C12orf42: variants seen among roughly 807,000 people sequenced by gnomAD.
C12orf42 encodes chromosome 12 open reading frame 42.
Under a neutral mutation model 21.6 loss-of-function variants are expected in C12orf42, and 25 were observed. The observed-to-expected ratio is 1.16, with a 90% CI of 0.84 to 1.62. The LOEUF is 1.62. C12orf42 is among the 40% of genes most tolerant of loss of function. The pLI, the probability that C12orf42 is intolerant of heterozygous loss-of-function variation, is 0.00. For missense variants in C12orf42, 483 were observed against 459.3 expected (o/e 1.05, Z -0.47); for synonymous variants, 174 against 175.0 (o/e 0.99, Z 0.05).
At chr12:103,374,661 C>T (rs1248503743) in intron 3 of C12orf42, among the ~76,000 whole-genome samples, 1 of 151,936 alleles carries the variant, frequency 6.6e-6, no homozygotes, top group Non-Finnish European at 1.5e-5. Context: ...ACAAAATAAC[C>T]AATGAGAAAA....
chr12:103,367,941 CATATAA>C (rs972764073), intron 4 of C12orf42: 20 of 646,672 alleles, frequency 3.1e-5, no homozygotes, highest in African/African-American at 1.3e-4. Flanking sequence ...ATTTTATTAG[CATATAA>C]ATATAAGTGA....
chr12:103,515,153 T>C, the C12orf42 span, among the ~76,000 whole-genome samples: 2 of 152,390 alleles, frequency 1.3e-5, no homozygotes, highest in Non-Finnish European at 2.9e-5. Flanking sequence ...ATATTCATTG[T>C]TCTCAGATTT....
At chr12:103,426,652 C>T (rs898138594) in intron 2 of C12orf42, among the ~76,000 whole-genome samples, 5 of 152,118 alleles carry the variant, frequency 3.3e-5, no homozygotes, top group Non-Finnish European at 7.4e-5. Context: ...CCCCAAGACA[C>T]ATAATTGTCG....
chr12:103,339,839 G>A (rs1226213356), intron 4 of C12orf42, among the ~76,000 whole-genome samples: 1 of 152,164 alleles, frequency 6.6e-6, no homozygotes, highest in Non-Finnish European at 1.5e-5. Context: ...GTTATATTCA[G>A]AAGTTCATCT....
At chr12:103,072,245 A>T in the C12orf42 span, among the ~76,000 whole-genome samples, 1 of 152,104 alleles carries the variant, frequency 6.6e-6, no homozygotes, top group Admixed American at 6.6e-5. Context: ...ACTATTTTTT[A>T]AAAAATAGTA....
chr12:103,158,645 C>T, the C12orf42 span, among the ~76,000 whole-genome samples: 12 of 151,994 alleles, frequency 7.9e-5, no homozygotes, highest in Non-Finnish European at 1.5e-5. Context: ...CTTTGGGAGG[C>T]CGATGTAGGC....
intron 10 of C12orf42, among the ~76,000 whole-genome samples, chr12:103,247,455 A>G (rs10507161): frequency 0.2 from 31,093 of 151,984 alleles, 3,321 homozygotes; most frequent in Middle Eastern, 0.27. Context: ...TGACATCAAT[A>G]TTTCTTGTAC....
chr12:103,178,480 T>A, the C12orf42 span: 1 of 152,158 alleles, frequency 6.6e-6, no homozygotes, highest in Non-Finnish European at 1.5e-5. Context: ...TTATTTAGCA[T>A]GTAGGACCCG....
At position 103,450,078 on chromosome 12, in the gene C12orf42, G is replaced by T. The variant is rs556715893; in HGVS notation, c.78+28271C>A. The stretch of plus-strand genomic sequence containing the variant: ...TGAACTGGAATTAATTGTATATATT[G>T]ATTAGGTATTTAGATTAAATATATT... On this transcript the variant is annotated intron_variant, in intron 2 of 5. Coordinates refer to ENST00000548883, the MANE Select transcript of C12orf42 (RefSeq NM_198521.5). Among the ~76,000 whole-genome samples, 3 of 151,846 alleles carry T rather than the reference G, an allele frequency of 2.0e-5. No homozygotes were observed. In the East Asian group the frequency reaches 5.8e-4, roughly 29 times the overall value.
At chr12:103,507,280 T>TA in the C12orf42 span, among the ~76,000 whole-genome samples, 1 of 76,446 alleles carries the variant, frequency 1.3e-5, no homozygotes, top group Non-Finnish European at 2.2e-5. Context: ...ATATTATATA[T>TA]ATTTTTTTTT....
At chr12:103,208,777 G>T in the C12orf42 span, among the ~76,000 whole-genome samples, 1 of 152,070 alleles carries the variant, frequency 6.6e-6, no homozygotes, top group Non-Finnish European at 1.5e-5. Flanking sequence ...ATTCATTTTT[G>T]TTATTTTTGC....
At chr12:103,258,612 A>C (rs1265812448) in intron 10 of C12orf42, among the ~76,000 whole-genome samples, 5 of 151,982 alleles carry the variant, frequency 3.3e-5, no homozygotes, top group African/African-American at 1.2e-4. Flanking sequence ...GACTATACAA[A>C]CCATTAGAAC....
chr12:103,425,953 CA>C lies in C12orf42; in HGVS notation c.79-24279del, dbSNP rs751396572. 1.9e-4 allele frequency among the ~76,000 whole-genome samples: 29 copies of C among 152,264 alleles called. No homozygotes were observed. In the East Asian group the frequency reaches 1.9e-3, roughly 10 times the overall value. On this transcript the variant is annotated intron_variant, in intron 2 of 5. Transcript: ENST00000548883. ...AGGACGTCCACACAAAAACCCCATC[CA>C]AAGGTCACCAGCATCAAAGACCAAA... is the stretch of plus-strand genomic sequence containing the variant.
chr12:103,257,442 A>C (rs1049862286), intron 10 of C12orf42, among the ~76,000 whole-genome samples: 3 of 152,212 alleles, frequency 2.0e-5, no homozygotes, highest in African/African-American at 7.2e-5. Flanking sequence ...TTATACCCAC[A>C]AAACAAAACA....
chr12:103,216,168 A>C, the C12orf42 span, among the ~76,000 whole-genome samples: 1 of 152,292 alleles, frequency 6.6e-6, no homozygotes, highest in Middle Eastern at 3.4e-3. Flanking sequence ...TCTCTCTAAT[A>C]TGAGCCTATG....
chr12:103,381,230 C>T (rs1196872661), intron 3 of C12orf42, among the ~76,000 whole-genome samples: 1 of 152,224 alleles, frequency 6.6e-6, no homozygotes, highest in Non-Finnish European at 1.5e-5. Context: ...GTTCCCTTCC[C>T]TTCCTACTTC....
At chr12:103,187,011 A>C in the C12orf42 span, among the ~76,000 whole-genome samples, 1 of 152,218 alleles carries the variant, frequency 6.6e-6, no homozygotes, top group Non-Finnish European at 1.5e-5. Flanking sequence ...ACAAAAGCAC[A>C]ATAAAACATT....
chr12:103,344,060 G>C (rs891479316), intron 4 of C12orf42, among the ~76,000 whole-genome samples: 1 of 152,136 alleles, frequency 6.6e-6, no homozygotes, highest in Non-Finnish European at 1.5e-5. Context: ...AGCCAACACA[G>C]GCATGTTACC....
At chr12:103,468,739 G>A (rs934195502) in intron 2 of C12orf42, among the ~76,000 whole-genome samples, 10 of 151,844 alleles carry the variant, frequency 6.6e-5, no homozygotes, top group Non-Finnish European at 1.2e-4. Flanking sequence ...AAAAAAAAAC[G>A]GGTCGATGAA....
Sources: gnomAD v4.1 joint callset for allele counts (sites outside exome capture counted in the v4.1 genomes callset) on GRCh38, gnomAD v4.1.1 for gene constraint, MANE v1.5 for transcripts, NCBI Gene and HGNC (gene_info 2026-07-23, HGNC 2026-07-21) for gene names.